Variants in SLC25A26 observed in about 807,000 individuals in gnomAD.
SLC25A26 encodes the protein mitochondrial S-adenosylmethionine carrier protein.
SLC25A26 carries 36 observed loss-of-function variants against 37.8 expected under a neutral mutation model. The ratio of observed to expected loss-of-function variants is 0.95; its 90% CI spans 0.73 to 1.26. SLC25A26 has a LOEUF of 1.26. Among genes scored for constraint, SLC25A26 ranks in the 50% most tolerant of loss-of-function variants. SLC25A26 has a pLI of 0.00. For missense variants in SLC25A26, 390 were observed against 331.1 expected, an observed-to-expected ratio of 1.18 and a Z score of -1.38; for synonymous variants, 129 against 122.5, an observed-to-expected ratio of 1.05 and a Z score of -0.35.
At chr3:66,224,413 G>T (rs2071642721) in intron 1 of SLC25A26, among the ~76,000 whole-genome samples, 1 of 152,174 alleles carries the variant, frequency 6.6e-6, no homozygotes, top group African/African-American at 2.4e-5. Flanking sequence ...TGCTGCAGGG[G>T]AACTCCCCTT....
chr3:66,369,025 C>CAAAAAAA (rs1201555171), intron 7 of SLC25A26, among the ~76,000 whole-genome samples: 2 of 32,898 alleles, frequency 6.1e-5, no homozygotes, highest in East Asian at 5.4e-4. Flanking sequence ...CCTGTCTTTT[C>CAAAAAAA]AAAAAAAAAA....
chr3:66,274,908 C>A (rs1559643754), intron 5 of SLC25A26, among the ~76,000 whole-genome samples: 1 of 151,960 alleles, frequency 6.6e-6, no homozygotes, highest in Non-Finnish European at 1.5e-5. Flanking sequence ...TAGGTATATA[C>A]CCAAAGGACT....
intron 3 of SLC25A26, among the ~76,000 whole-genome samples, chr3:66,244,816 CAA>C (rs898402415): frequency 6.9e-6 from 1 of 144,842 alleles, no homozygotes; most frequent in African/African-American, 2.5e-5. Flanking sequence ...ACTGAAAATA[CAA>C]AAAAAAAAAT....
chr3:66,262,178 T>C, intron 4 of SLC25A26, 23 bp downstream of exon 4: 4 of 1,236,972 alleles, frequency 3.2e-6, no homozygotes, highest in Non-Finnish European at 4.5e-6. Flanking sequence ...TTTTAAGCTC[T>C]TCTTTTCTTT....
intron 5 of SLC25A26, among the ~76,000 whole-genome samples, chr3:66,294,225 TGTA>T (rs1477885240): frequency 6.6e-6 from 1 of 152,178 alleles, no homozygotes; most frequent in Non-Finnish European, 1.5e-5. Flanking sequence ...TAGTTCTCCT[TGTA>T]GTATCTTTCA....
chr3:66,329,800 C>G (rs550687802), intron 5 of SLC25A26, among the ~76,000 whole-genome samples: 1 of 152,274 alleles, frequency 6.6e-6, no homozygotes, highest in Non-Finnish European at 1.5e-5. Flanking sequence ...TGGCCTCAAT[C>G]CATCCTCCTG....
intron 1 of SLC25A26, among the ~76,000 whole-genome samples, chr3:66,143,497 T>C (rs1301791378): frequency 2.0e-5 from 3 of 152,136 alleles, no homozygotes; most frequent in African/African-American, 7.2e-5. Context: ...TTCTGGAACT[T>C]AATTTCTAAT....
intron 5 of SLC25A26, among the ~76,000 whole-genome samples, chr3:66,335,243 C>T (rs1238805866): frequency 6.6e-6 from 1 of 151,482 alleles, no homozygotes; most frequent in Non-Finnish European, 1.5e-5. Context: ...TAGATCTCAA[C>T]ATCTGGATGG....
intron 2 of SLC25A26, among the ~76,000 whole-genome samples, chr3:66,237,716 G>C (rs1300873230): frequency 6.6e-6 from 1 of 152,150 alleles, no homozygotes; most frequent in Non-Finnish European, 1.5e-5. Flanking sequence ...TTTACTGTTG[G>C]ATGCCTCTAG....
chr3:66,291,953 T>C (rs1267627918), intron 5 of SLC25A26, among the ~76,000 whole-genome samples: 1 of 152,192 alleles, frequency 6.6e-6, no homozygotes, highest in African/African-American at 2.4e-5. Flanking sequence ...TGTAGGTCTC[T>C]AAGAACTTGC....
chr3:66,282,067 A>G (rs1364821344), intron 5 of SLC25A26, among the ~76,000 whole-genome samples: 2 of 132,198 alleles, frequency 1.5e-5, no homozygotes, highest in African/African-American at 6.0e-5. Context: ...TGCGGACTGC[A>G]GTGGCGCAAT....
intron 5 of SLC25A26, among the ~76,000 whole-genome samples, chr3:66,311,619 C>T (rs752968591): frequency 6.6e-6 from 1 of 151,996 alleles, no homozygotes; most frequent in African/African-American, 2.4e-5. Flanking sequence ...TCCTCATCTT[C>T]ATGGATTTGT....
At chr3:66,176,435 A>G (rs2070587825) in intron 1 of SLC25A26, among the ~76,000 whole-genome samples, 1 of 152,200 alleles carries the variant, frequency 6.6e-6, no homozygotes. Context: ...CTTGCTTCCT[A>G]TAATGCTCAG....
At chr3:66,290,074 A>G (rs1019739975) in intron 5 of SLC25A26, among the ~76,000 whole-genome samples, 2 of 152,042 alleles carry the variant, frequency 1.3e-5, no homozygotes, top group African/African-American at 4.8e-5. Flanking sequence ...TATTTCCTTT[A>G]TAGCAATTGT....
intron 5 of SLC25A26, among the ~76,000 whole-genome samples, chr3:66,267,323 T>G (rs1027520538): frequency 2.2e-4 from 33 of 152,318 alleles, no homozygotes; most frequent in Non-Finnish European, 1.3e-4. Context: ...TGTGTGTAGC[T>G]TGCTTATTGA....
chr3:66,161,457 G>C (rs2070357483), intron 1 of SLC25A26, among the ~76,000 whole-genome samples: 1 of 152,168 alleles, frequency 6.6e-6, no homozygotes, highest in African/African-American at 2.4e-5. Context: ...AGCCACAGAA[G>C]CAAGAGAAAT....
At chr3:66,310,840 A>G (rs1244397960) in intron 5 of SLC25A26, among the ~76,000 whole-genome samples, 1 of 152,160 alleles carries the variant, frequency 6.6e-6, no homozygotes, top group African/African-American at 2.4e-5. Context: ...TTTGGCTTGT[A>G]GCGTTTCTAC....
Position 66,290,686 on chromosome 3 carries a change from C to CT in SLC25A26, c.453+27309dup, listed in dbSNP as rs550435844. Among the ~76,000 whole-genome samples the CT allele has an allele frequency of 2.3e-4, 35 of 152,212 alleles. No individual in the cohort carries two copies. The South Asian group carries it at 7.3e-3, about 32-fold the overall frequency. ...AGCTGACTTGATCATGGTGGATAAG[C>CT]TTGTCGGTGTGCTGCTGGATTCGGT... On this transcript the variant is annotated intron_variant, in intron 5 of 9. Transcript: ENST00000354883.
At chr3:66,225,289 C>T (rs2071689799) in intron 1 of SLC25A26, among the ~76,000 whole-genome samples, 1 of 152,210 alleles carries the variant, frequency 6.6e-6, no homozygotes, top group African/African-American at 2.4e-5. Flanking sequence ...GCAGAGGTTC[C>T]CAAAGCTCAG....
Sources: allele counts gnomAD v4.1 joint callset (sites outside exome capture counted in the v4.1 genomes callset), GRCh38; gene constraint gnomAD v4.1.1; transcripts MANE v1.5; gene names NCBI Gene and HGNC (gene_info 2026-07-23, HGNC 2026-07-21).